TM9SF3: variants seen among roughly 807,000 people sequenced by gnomAD.
The protein encoded by TM9SF3 is transmembrane 9 superfamily member 3, also known as SM-11044-binding protein.
TM9SF3 carries 14 observed loss-of-function variants against 78.6 expected under a neutral mutation model. The observed-to-expected ratio is 0.18, with a 90% CI of 0.12 to 0.28. The LOEUF (loss-of-function observed/expected upper bound fraction) is 0.28. Ranked by LOEUF, TM9SF3 falls within the 10% of genes least tolerant of loss-of-function variation. The probability of loss-of-function intolerance (pLI) is 1.00; values close to 1 mark genes in which losing one functional copy is unlikely to be tolerated. For missense variants in TM9SF3, 496 were observed against 721.9 expected (o/e 0.69, Z 3.59); for synonymous variants, 231 against 241.7 (o/e 0.96, Z 0.41).
At chr10:96,560,331 A>G in intron 4 of TM9SF3, 1 of 743,274 alleles carries the variant, frequency 1.3e-6, no homozygotes, top group Non-Finnish European at 2.5e-6. Context: ...CGGTCAGTTT[A>G]GGGGCTGGTG....
intron 4 of TM9SF3, chr10:96,560,884 A>G: frequency 1.9e-6 from 1 of 530,362 alleles, no homozygotes; most frequent in Non-Finnish European, 3.7e-6. Flanking sequence ...TGTAGAAAAC[A>G]TTAAAGCAAA....
Position 96,528,033 on chromosome 10 carries a change from C to A in TM9SF3, c.1539G>T (p.Arg513=). The A allele has an allele frequency of 6.2e-7, 1 of 1,609,544 alleles. No individual in the cohort carries two copies. The highest frequency in any genetic ancestry group is 1.1e-5 in the South Asian group (1 of 90,216). ...TYFLLNAEDY[R]WQWTSFLSAA... ...TCTATCCACAAATAGGTACTTACCA[C>A]CGGTAATCTTCTGCATTTAGTAGAA... Residue 513 remains arginine (R), a splice_region_variant and synonymous_variant, in exon 12 of 15, where the codon CGG becomes CGT. Coordinates refer to ENST00000371142, the MANE Select transcript of TM9SF3 (RefSeq NM_020123.4).
At chr10:96,551,647 G>A (rs547357472) in intron 6 of TM9SF3, among the ~76,000 whole-genome samples, 16 of 152,202 alleles carry the variant, frequency 1.1e-4, no homozygotes, top group African/African-American at 2.4e-4. Flanking sequence ...CTCAAATAAC[G>A]GAAAAAGAAA....
At chr10:96,540,193 CCAT>C (rs1848005500) in intron 9 of TM9SF3, among the ~76,000 whole-genome samples, 1 of 152,134 alleles carries the variant, frequency 6.6e-6, no homozygotes, top group Non-Finnish European at 1.5e-5. Context: ...CAGCAGACCA[CCAT>C]GTCTCTAAGT....
chr10:96,543,975 A>C, intron 9 of TM9SF3, 101 bp downstream of exon 9: 5 of 1,251,884 alleles, frequency 4.0e-6, no homozygotes, highest in Non-Finnish European at 5.5e-6. Context: ...AACTGACTGA[A>C]ACCATCAAAA....
chr10:96,583,024 G>A (rs1480194910), intron 1 of TM9SF3, among the ~76,000 whole-genome samples: 2 of 148,928 alleles, frequency 1.3e-5, no homozygotes, highest in Non-Finnish European at 3.0e-5. Flanking sequence ...AAGTTGCAGT[G>A]AGCCGAGATC....
At chr10:96,529,623 A>G (rs1847874867) in intron 11 of TM9SF3, among the ~76,000 whole-genome samples, 1 of 149,814 alleles carries the variant, frequency 6.7e-6, no homozygotes. Flanking sequence ...ATTTCAATGA[A>G]AAAAAAGACC....
chr10:96,559,388 C>T (rs932406022), intron 5 of TM9SF3, among the ~76,000 whole-genome samples: 12 of 150,038 alleles, frequency 8.0e-5, no homozygotes, highest in African/African-American at 3.0e-4. Flanking sequence ...CTAATATTCA[C>T]CTTATTAGTG....
chr10:96,541,284 T>C (rs893956959), intron 9 of TM9SF3, among the ~76,000 whole-genome samples: 3 of 152,204 alleles, frequency 2.0e-5, no homozygotes, highest in Admixed American at 1.3e-4. Context: ...CAAGGAACTC[T>C]TACAGGACCA....
intron 2 of TM9SF3, among the ~76,000 whole-genome samples, chr10:96,574,924 G>T (rs996843162): frequency 6.6e-6 from 1 of 152,128 alleles, no homozygotes; most frequent in Non-Finnish European, 1.5e-5. Flanking sequence ...GCCCTGTCAG[G>T]GGGTGGGGGG....
intron 14 of TM9SF3, among the ~76,000 whole-genome samples, chr10:96,526,665 C>T (rs570594898): frequency 6.6e-6 from 1 of 152,198 alleles, no homozygotes; most frequent in South Asian, 2.1e-4. Flanking sequence ...GGAAAGCATA[C>T]ATATGGTACA....
intron 2 of TM9SF3, among the ~76,000 whole-genome samples, chr10:96,569,523 T>C (rs1848415710): frequency 6.6e-6 from 1 of 152,216 alleles, no homozygotes; most frequent in Non-Finnish European, 1.5e-5. Context: ...CCAACCTGAC[T>C]AGCAGTATAA....
At chr10:96,552,493 G>C (rs1197879601) in intron 6 of TM9SF3, among the ~76,000 whole-genome samples, 1 of 152,116 alleles carries the variant, frequency 6.6e-6, no homozygotes, top group Non-Finnish European at 1.5e-5. Flanking sequence ...CCATTAGCTA[G>C]CACTCTATGT....
intron 1 of TM9SF3, among the ~76,000 whole-genome samples, chr10:96,580,520 C>G (rs1848554878): frequency 6.6e-6 from 1 of 152,168 alleles, no homozygotes; most frequent in African/African-American, 2.4e-5. Context: ...CCCGCCTCGG[C>G]CTCCCAAAGT....
chr10:96,579,779 T>C (rs1589465350), intron 1 of TM9SF3, among the ~76,000 whole-genome samples: 2 of 152,356 alleles, frequency 1.3e-5, no homozygotes, highest in Admixed American at 6.5e-5. Context: ...ACAATTAACT[T>C]AAAATGTTTA....
intron 9 of TM9SF3, among the ~76,000 whole-genome samples, chr10:96,537,989 G>A (rs369669388): frequency 5.9e-5 from 9 of 152,134 alleles, no homozygotes; most frequent in African/African-American, 1.9e-4. Context: ...TAGATTCAAT[G>A]TAATCACAAT....
rs369498703 is a variant in TM9SF3, at chr10:96,579,964, G to A, written c.103-3135C>T. Among the ~76,000 whole-genome samples, 10 of 152,302 alleles carry A rather than the reference G, an allele frequency of 6.6e-5. No homozygotes were observed. In the East Asian group the frequency reaches 1.5e-3, roughly 23 times the overall value. ...AACAAAAATCTTTCCTTTCCCTAAA[G>A]CTTTGATAAAGCCCCTGAGCTCCAC... is the stretch of plus-strand genomic sequence containing the variant. On this transcript the variant is annotated intron_variant, in intron 1 of 14. Transcript: ENST00000371142.
chr10:96,559,195 G>A (rs994132272), intron 5 of TM9SF3, among the ~76,000 whole-genome samples: 10 of 152,010 alleles, frequency 6.6e-5, no homozygotes, highest in Admixed American at 1.3e-4. Flanking sequence ...TTCTCACACC[G>A]TAAGTTGTAT....
intron 2 of TM9SF3, among the ~76,000 whole-genome samples, chr10:96,567,967 G>A (rs1848397750): frequency 6.6e-6 from 1 of 152,160 alleles, no homozygotes; most frequent in South Asian, 2.1e-4. Flanking sequence ...TGAAATTTTT[G>A]AACAGTGTCT....
Sources: gnomAD v4.1 joint callset for allele counts (sites outside exome capture counted in the v4.1 genomes callset) on GRCh38, gnomAD v4.1.1 for gene constraint, MANE v1.5 for transcripts, NCBI Gene and HGNC (gene_info 2026-07-23, HGNC 2026-07-21) for gene names.